Variants in NRXN1 observed in about 807,000 individuals in gnomAD.
NRXN1 encodes the protein neurexin-1.
Under a neutral mutation model 150.9 loss-of-function variants are expected in NRXN1, and 39 were observed. That is an observed-to-expected ratio of 0.26 (90% CI 0.20 to 0.34). The LOEUF is 0.34. NRXN1 is among the 10% of genes least tolerant of loss of function. NRXN1 has a pLI of 1.00. For synonymous variants in NRXN1, 924 were observed against 757.0 expected (o/e 1.22, Z -3.62); for missense variants, 1,815 against 1,949.9 (o/e 0.93, Z 1.30).
intron 5 of NRXN1, among the ~76,000 whole-genome samples, chr2:50,866,033 A>G (rs1474414978): frequency 6.6e-6 from 1 of 151,792 alleles, no homozygotes; most frequent in Non-Finnish European, 1.5e-5. Context: ...TTTCTTTCCT[A>G]ATACCAGCTA....
chr2:50,805,585 A>G (rs1667407977), intron 5 of NRXN1, among the ~76,000 whole-genome samples: 1 of 152,104 alleles, frequency 6.6e-6, no homozygotes. Context: ...GGTTGCAGTG[A>G]GCCAAGATCA....
intron 8 of NRXN1, among the ~76,000 whole-genome samples, chr2:50,562,701 T>G (rs1243926600): frequency 6.6e-6 from 1 of 152,130 alleles, no homozygotes; most frequent in Admixed American, 6.6e-5. Context: ...GTCCTTCTTT[T>G]TCTTACTTCA....
intron 17 of NRXN1, among the ~76,000 whole-genome samples, chr2:50,416,872 T>C (rs1004886943): frequency 1.3e-5 from 2 of 152,160 alleles, no homozygotes; most frequent in Admixed American, 1.3e-4. Flanking sequence ...CAATTAAAGA[T>C]GAGATTTCGG....
At chr2:49,992,662 G>C (rs1246122841) in intron 21 of NRXN1, among the ~76,000 whole-genome samples, 1 of 151,994 alleles carries the variant, frequency 6.6e-6, no homozygotes, top group Non-Finnish European at 1.5e-5. Flanking sequence ...AAAAATACTT[G>C]CAAAAGACCT....
intron 18 of NRXN1, among the ~76,000 whole-genome samples, chr2:50,112,412 G>A (rs976000785): frequency 2.0e-5 from 3 of 152,134 alleles, no homozygotes; most frequent in Non-Finnish European, 4.4e-5. Flanking sequence ...TGGTCCCTTC[G>A]TTGTTCAGCC....
intron 18 of NRXN1, among the ~76,000 whole-genome samples, chr2:50,219,987 A>T (rs1351507816): frequency 1.8e-4 from 12 of 67,176 alleles, no homozygotes; most frequent in Non-Finnish European, 2.9e-4. Flanking sequence ...TATATATATT[A>T]TATATAATAT....
At chr2:50,758,224 T>G (rs1701384947) in intron 5 of NRXN1, 1 of 151,828 alleles carries the variant, frequency 6.6e-6, no homozygotes, top group African/African-American at 2.4e-5. Flanking sequence ...TCCTAGACTC[T>G]ACTATGGTCG....
Position 50,972,370 on chromosome 2 carries a change from T to C in NRXN1, c.773-46415A>G, listed in dbSNP as rs183716903. On this transcript the variant is annotated intron_variant, in intron 2 of 22. Transcript: ENST00000401669. ...TACCCAGGGCTGCCACCAATCTATA[T>C]GCCACTTTGTGGGAAGTGGAATATG... 9.7e-4 allele frequency among the ~76,000 whole-genome samples: 148 copies of C among 152,258 alleles called. 1 individual carries two copies. The highest frequency in any genetic ancestry group is 3.2e-3 in the African/African-American group (133 of 41,552).
At chr2:50,741,691 TC>T (rs1308782137) in intron 5 of NRXN1, among the ~76,000 whole-genome samples, 1 of 152,170 alleles carries the variant, frequency 6.6e-6, no homozygotes, top group Non-Finnish European at 1.5e-5. Context: ...TCATGATACT[TC>T]TTTTCCTTTC....
Position 50,898,688 on chromosome 2 carries a change from T to C in NRXN1, c.832+23181A>G, listed in dbSNP as rs1235271552. 17 of 385,034 alleles carry C rather than the reference T, an allele frequency of 4.4e-5. No homozygotes were observed. The Admixed American group carries it at 5.8e-4, about 13-fold the overall frequency. 23.9% of individuals were successfully genotyped at this position (385,034 alleles called of 1,614,324 possible). A position where few individuals can be genotyped will look rare whatever the true frequency, so the allele number is the denominator to read the frequency against. ...AAATTTAATTTTCCTATGAAATTAA[T>C]TGCTTAATATAAAAAGCACATTTAT... On this transcript the variant is annotated intron_variant, in intron 5 of 22. Transcript: ENST00000401669.
At chr2:50,116,470 A>C (rs1703086797) in intron 18 of NRXN1, among the ~76,000 whole-genome samples, 1 of 152,080 alleles carries the variant, frequency 6.6e-6, no homozygotes, top group Admixed American at 6.6e-5. Flanking sequence ...AGAGCCAAAA[A>C]TTAGTCCTCA....
chr2:50,375,456 A>G (rs1209569479), intron 17 of NRXN1, among the ~76,000 whole-genome samples: 5 of 69,970 alleles, frequency 7.1e-5, no homozygotes, highest in African/African-American at 3.8e-4. Flanking sequence ...CACGGCTAGC[A>G]TGCCTCTGAG....
intron 2 of NRXN1, among the ~76,000 whole-genome samples, chr2:50,987,811 C>T (rs1379215803): frequency 2.0e-5 from 3 of 151,922 alleles, no homozygotes; most frequent in Non-Finnish European, 2.9e-5. Context: ...GAGCTATTCA[C>T]ACCAGAGACC....
At chr2:50,300,286 C>T (rs975126466) in intron 17 of NRXN1, among the ~76,000 whole-genome samples, 4 of 152,132 alleles carry the variant, frequency 2.6e-5, no homozygotes, top group African/African-American at 9.7e-5. Flanking sequence ...CCAGAGATAT[C>T]TTAGTTACAA....
chr2:50,925,318 A>G (rs17041112), intron 3 of NRXN1, among the ~76,000 whole-genome samples: 18,281 of 151,872 alleles, frequency 0.12, 2,153 homozygotes, highest in African/African-American at 0.29. Flanking sequence ...TGACAGAGAT[A>G]ATTTTTTATA....
intron 17 of NRXN1, among the ~76,000 whole-genome samples, chr2:50,330,124 T>C (rs2076740614): frequency 6.6e-6 from 1 of 152,138 alleles, no homozygotes. Context: ...TATGATGCCA[T>C]ATTAGTTTTT....
chr2:50,354,921 T>C (rs548958435), intron 17 of NRXN1, among the ~76,000 whole-genome samples: 18 of 151,944 alleles, frequency 1.2e-4, no homozygotes, highest in African/African-American at 4.3e-4. Flanking sequence ...AAGCATGAGA[T>C]TGTTGAGAAC....
intron 17 of NRXN1, among the ~76,000 whole-genome samples, chr2:50,300,931 G>T (rs888394334): frequency 6.6e-6 from 1 of 152,038 alleles, no homozygotes; most frequent in African/African-American, 2.4e-5. Flanking sequence ...CCTGACCTCA[G>T]GTGATCCACC....
At chr2:50,865,175 C>T (rs1409396900) in intron 5 of NRXN1, among the ~76,000 whole-genome samples, 14 of 151,600 alleles carry the variant, frequency 9.2e-5, no homozygotes, top group African/African-American at 1.2e-4. Flanking sequence ...ACAGGTGAAA[C>T]GACAGAAGAC....
Sources: allele counts gnomAD v4.1 joint callset (sites outside exome capture counted in the v4.1 genomes callset), GRCh38; gene constraint gnomAD v4.1.1; transcripts MANE v1.5; gene names NCBI Gene and HGNC (gene_info 2026-07-23, HGNC 2026-07-21).